The following FUT8 variants were observed in gnomAD, a reference collection of about 807,000 sequenced individuals.
FUT8 encodes alpha-(1,6)-fucosyltransferase.
In FUT8, 29 loss-of-function variants were observed where a neutral mutation model predicts 71.3. The observed-to-expected ratio is 0.41, with a 90% CI of 0.30 to 0.55. The LOEUF is 0.55. FUT8 is among the 20% of genes least tolerant of loss of function. The probability of loss-of-function intolerance (pLI) is 0.34; values close to 1 mark genes in which losing one functional copy is unlikely to be tolerated. For synonymous variants in FUT8, 254 were observed against 239.3 expected (o/e 1.06, Z -0.57); for missense variants, 544 against 702.1 (o/e 0.77, Z 2.55).
chr14:65,466,332 C>T (rs1036860364), intron 2 of FUT8, among the ~76,000 whole-genome samples: 1 of 152,188 alleles, frequency 6.6e-6, no homozygotes, highest in African/African-American at 2.4e-5. Context: ...CTGTTTTCTA[C>T]TCATTGTCCT....
At chr14:65,594,714 G>A (rs1020499546) in intron 3 of FUT8, among the ~76,000 whole-genome samples, 8 of 152,086 alleles carry the variant, frequency 5.3e-5, no homozygotes, top group South Asian at 2.1e-4. Context: ...GAAAGGGAGC[G>A]GGAAGGGCAG....
chr14:65,474,458 G>T (rs1421548358), intron 2 of FUT8, among the ~76,000 whole-genome samples: 2 of 28,128 alleles, frequency 7.1e-5, no homozygotes, highest in Non-Finnish European at 1.4e-4. Flanking sequence ...AAAAAAAAAA[G>T]CCAGGCGTGC....
In FUT8 at chr14:65,486,768, A is replaced by G. The variant is rs75691935; in HGVS notation, c.-228+31050A>G. Among the ~76,000 whole-genome samples, 407 of 152,352 alleles carry G rather than the reference A, an allele frequency of 2.7e-3. 3 individuals carry two copies. The highest frequency in any genetic ancestry group is 9.2e-3 in the African/African-American group (381 of 41,576). On this transcript the variant is annotated intron_variant, in intron 2 of 10. Coordinates refer to ENST00000673929, the MANE Select transcript of FUT8 (RefSeq NM_001371533.1). ...TTGCATGTGTAAAATGAGGATAAGC[A>G]TATTTATCCCGAGGGTTGTAGTGAG...
chr14:65,728,199 A>G (rs976866632), intron 9 of FUT8, among the ~76,000 whole-genome samples: 1 of 152,040 alleles, frequency 6.6e-6, no homozygotes, highest in Non-Finnish European at 1.5e-5. Context: ...TCACTTCCAC[A>G]TTTTCAGGTA....
At chr14:65,505,013 C>T (rs576477563) in intron 2 of FUT8, among the ~76,000 whole-genome samples, 117 of 152,314 alleles carry the variant, frequency 7.7e-4, no homozygotes, top group African/African-American at 2.7e-3. Context: ...ACTATTCTTA[C>T]TGAGACTACA....
At chr14:65,475,280 A>G (rs983941848) in intron 2 of FUT8, among the ~76,000 whole-genome samples, 1 of 152,218 alleles carries the variant, frequency 6.6e-6, no homozygotes, top group African/African-American at 2.4e-5. Context: ...CTATAATAAC[A>G]TGTCTCCCAA....
chr14:65,524,481 A>G (rs565650798), intron 2 of FUT8, among the ~76,000 whole-genome samples: 7 of 152,248 alleles, frequency 4.6e-5, no homozygotes, highest in African/African-American at 1.4e-4. Flanking sequence ...GGGCTGAGAC[A>G]ATGGGGTTTT....
chr14:65,419,961 A>G (rs984836434), intron 1 of FUT8, among the ~76,000 whole-genome samples: 1 of 152,196 alleles, frequency 6.6e-6, no homozygotes, highest in Non-Finnish European at 1.5e-5. Context: ...GATACATCTC[A>G]TAGGTTGTCA....
intron 1 of FUT8, among the ~76,000 whole-genome samples, chr14:65,447,605 A>G (rs940394053): frequency 3.9e-5 from 6 of 151,978 alleles, no homozygotes; most frequent in Non-Finnish European, 7.4e-5. Flanking sequence ...TTCAAATGGT[A>G]TCTTGTCTGG....
chr14:65,460,414 A>G (rs1403666270), intron 2 of FUT8, among the ~76,000 whole-genome samples: 1 of 152,182 alleles, frequency 6.6e-6, no homozygotes, highest in Admixed American at 6.5e-5. Flanking sequence ...CCTTTTAAAG[A>G]TTGGAGTTTC....
At chr14:65,718,542 A>G (rs1167866291) in intron 7 of FUT8, among the ~76,000 whole-genome samples, 1 of 152,180 alleles carries the variant, frequency 6.6e-6, no homozygotes, top group African/African-American at 2.4e-5. Flanking sequence ...GGTTTTTTGT[A>G]TGCTTAGTAT....
chr14:65,616,936 C>T (rs1463411742), intron 5 of FUT8, among the ~76,000 whole-genome samples: 2 of 152,002 alleles, frequency 1.3e-5, no homozygotes, highest in African/African-American at 4.8e-5. Context: ...CCTATGCACA[C>T]GTTGCTAAAT....
intron 7 of FUT8, among the ~76,000 whole-genome samples, chr14:65,685,924 T>G (rs1475701066): frequency 2.0e-5 from 3 of 152,226 alleles, no homozygotes; most frequent in Non-Finnish European, 4.4e-5. Context: ...ATGCAAGTTG[T>G]TTTATCAGCA....
intron 7 of FUT8, among the ~76,000 whole-genome samples, chr14:65,680,999 C>T (rs1401433863): frequency 1.3e-5 from 2 of 152,216 alleles, no homozygotes; most frequent in African/African-American, 4.8e-5. Context: ...GTAATTCTTC[C>T]TCTCTAGAGA....
At chr14:65,595,694 C>T (rs540365993) in intron 3 of FUT8, among the ~76,000 whole-genome samples, 13 of 148,204 alleles carry the variant, frequency 8.8e-5, no homozygotes, top group South Asian at 6.5e-4. Context: ...CTGCAAGCTC[C>T]GCCTCCCGGG....
intron 7 of FUT8, among the ~76,000 whole-genome samples, chr14:65,680,460 T>G (rs1892985949): frequency 6.6e-6 from 1 of 152,220 alleles, no homozygotes; most frequent in Non-Finnish European, 1.5e-5. Context: ...CTTTTCCCAT[T>G]TGAATTGCCT....
intron 2 of FUT8, among the ~76,000 whole-genome samples, chr14:65,541,840 C>T (rs1046099745): frequency 1.3e-5 from 2 of 152,096 alleles, no homozygotes; most frequent in Non-Finnish European, 2.9e-5. Flanking sequence ...TTTTCACTCA[C>T]GAATATAAAA....
chr14:65,642,602 C>CA (rs71126774), intron 6 of FUT8, among the ~76,000 whole-genome samples: 16,008 of 95,516 alleles, frequency 0.17, 1,296 homozygotes, highest in South Asian at 0.31. Flanking sequence ...GACTCCGTCT[C>CA]AAAAAAAAAA....
chr14:65,742,190 A>C lies in FUT8; in HGVS notation c.1508A>C (p.Asn503Thr). ...LDDIYYFGGQ[N>T]AHNQIAIYAH... ...GACATCTACTATTTTGGGGGCCAGA[A>C]TGCCCACAATCAAATTGCCATTTAT... is the stretch of plus-strand genomic sequence containing the variant. Residue 503 changes from asparagine to threonine, a missense_variant, in exon 11 of 11, where the codon AAT becomes ACT. Transcript: ENST00000673929. The C allele has an allele frequency of 6.2e-7, 1 of 1,613,180 alleles. No homozygotes were observed. Among genetic ancestry groups the C allele is most frequent in the Non-Finnish European group, 8.5e-7 (1 of 1,179,402 alleles).
Sources: gnomAD v4.1 joint callset for allele counts (sites outside exome capture counted in the v4.1 genomes callset) on GRCh38, gnomAD v4.1.1 for gene constraint, MANE v1.5 for transcripts, NCBI Gene and HGNC (gene_info 2026-07-23, HGNC 2026-07-21) for gene names.